Variants in VPS13C observed in about 807,000 individuals in gnomAD.
VPS13C encodes intermembrane lipid transfer protein VPS13C.
VPS13C carries 358 observed loss-of-function variants against 456.8 expected under a neutral mutation model. The observed-to-expected ratio is 0.78, with a 90% CI of 0.72 to 0.86. VPS13C has a LOEUF of 0.86. VPS13C is among the 40% of genes least tolerant of loss of function. VPS13C has a pLI of 0.00. For missense variants in VPS13C, 4,818 were observed against 4,385.4 expected, an observed-to-expected ratio of 1.10 and a Z score of -2.79; for synonymous variants, 1,578 against 1,486.7, an observed-to-expected ratio of 1.06 and a Z score of -1.41.
chr15:62,047,133 A>C (rs1269396981), intron 1 of VPS13C, among the ~76,000 whole-genome samples: 2 of 151,972 alleles, frequency 1.3e-5, no homozygotes, highest in Non-Finnish European at 2.9e-5. Flanking sequence ...AAGAATAACA[A>C]AGAAATATTG....
intron 66 of VPS13C, among the ~76,000 whole-genome samples, chr15:61,894,799 A>T (rs1468538886): frequency 6.6e-6 from 1 of 152,188 alleles, no homozygotes; most frequent in Non-Finnish European, 1.5e-5. Context: ...GGGGACCTCA[A>T]CACCCCCACT....
intron 18 of VPS13C, among the ~76,000 whole-genome samples, chr15:61,987,288 T>A (rs2046085328): frequency 6.6e-6 from 1 of 151,926 alleles, no homozygotes; most frequent in Admixed American, 6.6e-5. Context: ...AGTGCATTAG[T>A]CCATTCTCAT....
At chr15:61,960,619 T>C (rs1306155196) in intron 35 of VPS13C, among the ~76,000 whole-genome samples, 1 of 152,176 alleles carries the variant, frequency 6.6e-6, no homozygotes, top group African/African-American at 2.4e-5. Context: ...TCAAATGATT[T>C]AGCAAAAAAT....
chr15:62,004,422 T>C (rs915763282), intron 15 of VPS13C, among the ~76,000 whole-genome samples: 2 of 152,064 alleles, frequency 1.3e-5, no homozygotes, highest in African/African-American at 4.8e-5. Context: ...TTCTTCTTTA[T>C]TAGTCTTGCT....
intron 29 of VPS13C, among the ~76,000 whole-genome samples, chr15:61,967,101 T>G (rs970917994): frequency 6.6e-6 from 1 of 151,980 alleles, no homozygotes; most frequent in African/African-American, 2.4e-5. Flanking sequence ...AGTACAGGTA[T>G]GTGGGTATGC....
chr15:62,036,531 G>A (rs909348565), intron 3 of VPS13C, among the ~76,000 whole-genome samples: 2 of 152,074 alleles, frequency 1.3e-5, no homozygotes, highest in African/African-American at 2.4e-5. Context: ...TGCATGTCAC[G>A]GGAAGTCTAC....
intron 1 of VPS13C, among the ~76,000 whole-genome samples, chr15:62,058,867 C>T (rs571733136): frequency 5.3e-5 from 8 of 151,590 alleles, no homozygotes; most frequent in Non-Finnish European, 1.0e-4. Context: ...CAATGAGCTA[C>T]GATCTTGCCA....
At position 61,962,767 on chromosome 15, in the gene VPS13C, T is replaced by G. The variant is rs2045253119; in HGVS notation, c.3417A>C (p.Pro1139=). 6.2e-7 allele frequency: 1 copy of G among 1,604,304 alleles called. No individual in the cohort carries two copies. The highest frequency in any genetic ancestry group is 1.3e-5 in the African/African-American group (1 of 74,908). The part of the protein sequence containing the change: ...LENIIVTDVD[P]KTVHKKAVSI... Reference sequence around the variant, plus strand: ...CACCTACTTTCTTATGAACTGTCTTTGGATCAACATCTGTGACAATAATAT... The same window carrying G: ...CACCTACTTTCTTATGAACTGTCTTGGGATCAACATCTGTGACAATAATAT... The change falls in exon 33 of 85, where the codon CCA becomes CCC. Residue 1139 remains proline, a synonymous_variant. Transcript: ENST00000644861.
chr15:61,865,511 C>CTATA, intron 81 of VPS13C: 1 of 966,912 alleles, frequency 1.0e-6, no homozygotes, highest in Non-Finnish European at 1.2e-6. Context: ...TATTAAATGA[C>CTATA]TATATATACA....
At chr15:62,013,256 T>C (rs2047111192) in intron 10 of VPS13C, 137 bp from the exon 11 acceptor site, 1 of 530,552 alleles carries the variant, frequency 1.9e-6, no homozygotes, top group Non-Finnish European at 3.2e-6. Context: ...GAAAATAACA[T>C]AAAAATGAGG....
intron 69 of VPS13C, 43 bp downstream of exon 69, chr15:61,882,553 C>G: frequency 6.9e-7 from 1 of 1,441,034 alleles, no homozygotes; most frequent in Non-Finnish European, 9.1e-7. Flanking sequence ...TCCCAAGATT[C>G]CCAAAGTGAT....
At chr15:61,972,321 T>C (rs1441565155) in intron 27 of VPS13C, among the ~76,000 whole-genome samples, 2 of 152,202 alleles carry the variant, frequency 1.3e-5, no homozygotes, top group Non-Finnish European at 2.9e-5. Context: ...AAAGTAGGCA[T>C]GTCATAAAAA....
chr15:61,868,221 A>AT (rs1894729795), intron 81 of VPS13C, among the ~76,000 whole-genome samples: 1 of 152,170 alleles, frequency 6.6e-6, no homozygotes, highest in Non-Finnish European at 1.5e-5. Context: ...TAACAAGATC[A>AT]TAATTATACA....
At chr15:61,908,545 T>C (rs2043211355) in intron 65 of VPS13C, among the ~76,000 whole-genome samples, 1 of 152,106 alleles carries the variant, frequency 6.6e-6, no homozygotes, top group Non-Finnish European at 1.5e-5. Context: ...TTTAACCTTC[T>C]ACTATCCCTA....
At chr15:61,898,653 G>A (rs957618287) in intron 66 of VPS13C, among the ~76,000 whole-genome samples, 1 of 143,250 alleles carries the variant, frequency 7.0e-6, no homozygotes, top group African/African-American at 2.6e-5. Flanking sequence ...CATTAATAAT[G>A]GGAGACTTTA....
intron 11 of VPS13C, among the ~76,000 whole-genome samples, 165 bp from the exon 12 acceptor site, chr15:62,012,329 T>G (rs1382426830): frequency 1.3e-5 from 2 of 151,864 alleles, no homozygotes; most frequent in Non-Finnish European, 2.9e-5. Context: ...CACGGAGCAT[T>G]ATTTATAAGT....
intron 53 of VPS13C, among the ~76,000 whole-genome samples, chr15:61,924,805 T>A (rs2043790413): frequency 6.6e-6 from 1 of 152,198 alleles, no homozygotes; most frequent in Admixed American, 6.5e-5. Context: ...ATTATTGGCA[T>A]TAACCAATTA....
chr15:61,984,125 A>C, intron 19 of VPS13C, 113 bp from the exon 20 acceptor site: 2 of 925,942 alleles, frequency 2.2e-6, no homozygotes, highest in Non-Finnish European at 3.2e-6. Flanking sequence ...CCATCCATGC[A>C]CATTATCCAG....
chr15:62,025,196 T>C (rs923974764), intron 6 of VPS13C, among the ~76,000 whole-genome samples: 1 of 152,120 alleles, frequency 6.6e-6, no homozygotes, highest in African/African-American at 2.4e-5. Flanking sequence ...TTAGAGAATA[T>C]ATGTGAAATG....
Sources: gnomAD v4.1 joint callset for allele counts (sites outside exome capture counted in the v4.1 genomes callset) on GRCh38, gnomAD v4.1.1 for gene constraint, MANE v1.5 for transcripts, NCBI Gene and HGNC (gene_info 2026-07-23, HGNC 2026-07-21) for gene names.